The following VMP1 variants were observed in gnomAD, a reference collection of about 807,000 sequenced individuals.
VMP1 encodes vacuole membrane protein 1, also known as ectopic P-granules autophagy protein 3 homolog.
Under a neutral mutation model 56.0 loss-of-function variants are expected in VMP1, and 11 were observed. The observed-to-expected ratio is 0.20, with a 90% confidence interval of 0.12 to 0.32. The LOEUF is 0.32. Ranked by LOEUF, VMP1 falls within the 10% of genes least tolerant of loss-of-function variation. The pLI is 1.00. For synonymous variants in VMP1, 149 were observed against 165.0 expected, an observed-to-expected ratio of 0.90 and a Z score of 0.74; for missense variants, 296 against 490.3, an observed-to-expected ratio of 0.60 and a Z score of 3.74.
chr17:59,740,852 A>G (rs8069418), intron 5 of VMP1, among the ~76,000 whole-genome samples: 19,475 of 152,230 alleles, frequency 0.13, 1,391 homozygotes, highest in Middle Eastern at 0.24. Context: ...CATTTGTAGC[A>G]TTTAATTAAT....
At chr17:59,802,194 T>C (rs901429529) in intron 7 of VMP1, among the ~76,000 whole-genome samples, 3 of 151,976 alleles carry the variant, frequency 2.0e-5, no homozygotes, top group Admixed American at 2.0e-4. Flanking sequence ...AGCGAGACCC[T>C]GTCTCAAAAT....
chr17:59,823,207 T>C (rs1480079229), intron 10 of VMP1, among the ~76,000 whole-genome samples: 2 of 152,136 alleles, frequency 1.3e-5, no homozygotes, highest in African/African-American at 4.8e-5. Context: ...CCCAGCACTT[T>C]GGGAGGCCAA....
chr17:59,734,333 A>G (rs2034939357), intron 2 of VMP1, among the ~76,000 whole-genome samples: 1 of 152,218 alleles, frequency 6.6e-6, no homozygotes, highest in Non-Finnish European at 1.5e-5. Context: ...GTAATGGGGT[A>G]ACATATACAA....
chr17:59,794,165 C>A (rs1273703937), intron 7 of VMP1, among the ~76,000 whole-genome samples: 1 of 150,132 alleles, frequency 6.7e-6, no homozygotes. Flanking sequence ...TGTGATCTGC[C>A]TGCCTCAGCC....
chr17:59,725,434 A>C (rs2034564485), intron 1 of VMP1, among the ~76,000 whole-genome samples: 1 of 152,158 alleles, frequency 6.6e-6, no homozygotes, highest in Non-Finnish European at 1.5e-5. Context: ...AAAATGGTTA[A>C]AATGCAGAAA....
At chr17:59,782,720 A>G (rs62081785) in intron 7 of VMP1, among the ~76,000 whole-genome samples, 286 of 152,314 alleles carry the variant, frequency 1.9e-3, no homozygotes, top group Admixed American at 4.2e-3. Context: ...ATGAGTGGAA[A>G]TTTAAATTTT....
At chr17:59,800,405 A>G (rs1448187179) in intron 7 of VMP1, among the ~76,000 whole-genome samples, 3 of 152,158 alleles carry the variant, frequency 2.0e-5, no homozygotes, top group African/African-American at 7.2e-5. Context: ...TGGCGTGCAT[A>G]TTTGACTAGC....
intron 10 of VMP1, among the ~76,000 whole-genome samples, chr17:59,830,947 C>T (rs896988026): frequency 2.0e-5 from 3 of 152,140 alleles, no homozygotes; most frequent in African/African-American, 7.2e-5. Flanking sequence ...CCCCACTCAG[C>T]CTCTTGAGTA....
chr17:59,766,136 C>T (rs1456870893), intron 6 of VMP1, among the ~76,000 whole-genome samples: 3 of 151,926 alleles, frequency 2.0e-5, no homozygotes, highest in Non-Finnish European at 2.9e-5. Flanking sequence ...AGTGCAATGG[C>T]GCCATCTCGG....
At chr17:59,804,946 A>G (rs1420812883) in intron 7 of VMP1, among the ~76,000 whole-genome samples, 2 of 152,160 alleles carry the variant, frequency 1.3e-5, no homozygotes, top group African/African-American at 4.8e-5. Context: ...GACCTGGAAA[A>G]AATTATGGGA....
At chr17:59,815,850 C>T (rs536276808) in intron 9 of VMP1, among the ~76,000 whole-genome samples, 480 of 94,154 alleles carry the variant, frequency 5.1e-3, no homozygotes, top group Middle Eastern at 0.036. Flanking sequence ...AGCGAGACTC[C>T]GTCTCAAAAA....
At chr17:59,737,633 A>G in intron 4 of VMP1, 90 bp downstream of exon 4, 1 of 1,122,468 alleles carries the variant, frequency 8.9e-7, no homozygotes, top group Non-Finnish European at 1.3e-6. Context: ...GGTTTTATAG[A>G]ATTTCTACCC....
chr17:59,717,736 A>AT (rs2034222260), intron 1 of VMP1, among the ~76,000 whole-genome samples: 1 of 152,188 alleles, frequency 6.6e-6, no homozygotes, highest in African/African-American at 2.4e-5. Flanking sequence ...CCTGACCAAC[A>AT]TGGAGAAACC....
intron 9 of VMP1, among the ~76,000 whole-genome samples, chr17:59,812,797 G>A (rs1304110675): frequency 1.3e-5 from 2 of 152,130 alleles, no homozygotes; most frequent in East Asian, 3.8e-4. Flanking sequence ...TGGGCGTGGT[G>A]GCGCACGCTT....
At chr17:59,746,068 C>T (rs1442447589) in intron 5 of VMP1, among the ~76,000 whole-genome samples, 3 of 152,122 alleles carry the variant, frequency 2.0e-5, no homozygotes, top group African/African-American at 4.8e-5. Context: ...TACTAGTCAC[C>T]TAAAAGACTT....
chr17:59,839,537 T>G (rs554758312), intron 11 of VMP1: 9 of 520,310 alleles, frequency 1.7e-5, no homozygotes, highest in Non-Finnish European at 3.0e-5. Context: ...CTCATCCCAT[T>G]CTAAACTATG....
At chr17:59,808,959 G>T in intron 8 of VMP1, 83 bp downstream of exon 8, 2 of 1,106,016 alleles carry the variant, frequency 1.8e-6, no homozygotes, top group Non-Finnish European at 2.6e-6. Context: ...ATTAACAAAA[G>T]TGCTATCACT....
At chr17:59,757,196 A>G (rs2035870822) in intron 5 of VMP1, among the ~76,000 whole-genome samples, 1 of 152,076 alleles carries the variant, frequency 6.6e-6, no homozygotes, top group Non-Finnish European at 1.5e-5. Context: ...CTATATTATT[A>G]TCAGAAAACT....
intron 6 of VMP1, among the ~76,000 whole-genome samples, chr17:59,768,872 G>A (rs1306258781): frequency 6.6e-6 from 1 of 151,830 alleles, no homozygotes; most frequent in Non-Finnish European, 1.5e-5. Flanking sequence ...TGTAGTCCCA[G>A]CTACTTGGGA....
Sources: gnomAD v4.1 joint callset for allele counts (sites outside exome capture counted in the v4.1 genomes callset) on GRCh38, gnomAD v4.1.1 for gene constraint, MANE v1.5 for transcripts, NCBI Gene and HGNC (gene_info 2026-07-23, HGNC 2026-07-21) for gene names.